Variants in ATP2B2 observed in about 807,000 individuals in gnomAD.
ATP2B2 encodes the protein plasma membrane calcium-transporting ATPase 2.
In ATP2B2, 15 loss-of-function variants were observed where a neutral mutation model predicts 120.0. The observed-to-expected ratio is 0.12, with a 90% CI of 0.08 to 0.19. ATP2B2 has a LOEUF of 0.19. ATP2B2 is among the 10% of genes least tolerant of loss of function. The probability of loss-of-function intolerance (pLI) is 1.00; values close to 1 mark genes in which losing one functional copy is unlikely to be tolerated. For synonymous variants in ATP2B2, 694 were observed against 700.3 expected, an observed-to-expected ratio of 0.99 and a Z score of 0.14; for missense variants, 1,045 against 1,719.8, an observed-to-expected ratio of 0.61 and a Z score of 6.94.
At chr3:10,444,347 C>T (rs780778927) in intron 2 of ATP2B2, among the ~76,000 whole-genome samples, 24 of 152,332 alleles carry the variant, frequency 1.6e-4, no homozygotes, top group Non-Finnish European at 3.1e-4. Flanking sequence ...CAACAACACA[C>T]GGAAGACCCC....
intron 17 of ATP2B2, 129 bp downstream of exon 17, chr3:10,345,902 G>A (rs1455828812): frequency 3.2e-6 from 3 of 944,694 alleles, no homozygotes; most frequent in Admixed American, 4.3e-5. Context: ...GTCTCGAGAA[G>A]GGTGGGCACC....
Position 10,402,497 on chromosome 3 carries a change from C to A in ATP2B2, c.398-149G>T, listed in dbSNP as rs987816724. 1.0e-5 allele frequency: 13 copies of A among 1,243,204 alleles called. No homozygotes were observed. In the Admixed American group the frequency reaches 1.5e-4, roughly 14 times the overall value. The allele number at this position is 1,243,204 out of a possible 1,614,324, so 77.0% of individuals were successfully genotyped here. On this transcript the variant is annotated intron_variant, in intron 3 of 22. Coordinates refer to ENST00000360273, the MANE Select transcript of ATP2B2 (RefSeq NM_001001331.4). The surrounding 1 kb of genome is among the most constrained non-coding windows in gnomAD (Gnocchi z 4.9). ...TTACTCAGTGTGTCTGGGTACCAAG[C>A]CCTGTGGAAAGTGCTTCACGCAGAT... is the stretch of plus-strand genomic sequence containing the variant.
intron 2 of ATP2B2, among the ~76,000 whole-genome samples, chr3:10,546,832 C>T (rs1044772236): frequency 6.6e-6 from 1 of 152,136 alleles, no homozygotes; most frequent in Non-Finnish European, 1.5e-5. Flanking sequence ...GGTGATGAAG[C>T]CAGGATTTGA....
chr3:10,405,453 G>A (rs2062377516), intron 3 of ATP2B2, among the ~76,000 whole-genome samples: 1 of 152,214 alleles, frequency 6.6e-6, no homozygotes, highest in Non-Finnish European at 1.5e-5. Flanking sequence ...GATCGCTGGG[G>A]TAGGGATTCG....
intron 5 of ATP2B2, among the ~76,000 whole-genome samples, chr3:10,391,036 C>T (rs960364498): frequency 2.0e-5 from 3 of 152,158 alleles, no homozygotes; most frequent in African/African-American, 7.2e-5. Flanking sequence ...GCGGGTATCA[C>T]TGGAGACTCT....
intron 2 of ATP2B2, among the ~76,000 whole-genome samples, chr3:10,559,533 G>GGA (rs548000248): frequency 1.3e-5 from 2 of 148,468 alleles, no homozygotes; most frequent in Non-Finnish European, 3.0e-5. Flanking sequence ...AAAAGAAAAG[G>GGA]AAAAAAAAAA....
rs868363393 is a variant in ATP2B2 at position 10,486,334 on chromosome 3, T to C, written c.-320+19131A>G. On this transcript the variant is annotated intron_variant, in intron 1 of 22. Transcript: ENST00000360273. ...AGGTGTGTGTGCGTGCGTGTGTGTG[T>C]GTGTGTGTGTGTGTGTGTGTGTGTG... 1.3e-3 allele frequency among the ~76,000 whole-genome samples: 190 copies of C among 151,508 alleles called. 1 individual carries two copies. The highest frequency in any genetic ancestry group is 4.8e-3 in the South Asian group (23 of 4,786).
intron 16 of ATP2B2, 102 bp downstream of exon 16, chr3:10,350,010 G>A (rs1457527296): frequency 1.7e-5 from 21 of 1,207,136 alleles, no homozygotes; most frequent in Non-Finnish European, 2.4e-5. Context: ...GGGGCGAGGG[G>A]CCCTTCCCTT....
intron 2 of ATP2B2, among the ~76,000 whole-genome samples, chr3:10,595,496 T>C (rs2068744692): frequency 6.6e-6 from 1 of 152,148 alleles, no homozygotes; most frequent in Admixed American, 6.5e-5. Context: ...GCCCTGTAAA[T>C]AAACTATTAC....
At chr3:10,448,281 C>T (rs1479276649) in intron 2 of ATP2B2, among the ~76,000 whole-genome samples, 2 of 152,210 alleles carry the variant, frequency 1.3e-5, no homozygotes. Flanking sequence ...TATGCCCAGC[C>T]ACGCACTAGG....
chr3:10,461,380 G>A (rs191773063), intron 1 of ATP2B2, among the ~76,000 whole-genome samples: 1 of 152,344 alleles, frequency 6.6e-6, no homozygotes, highest in Non-Finnish European at 1.5e-5. Context: ...CCTCAGATCT[G>A]AAGGAGGAAA....
intron 2 of ATP2B2, among the ~76,000 whole-genome samples, chr3:10,425,170 C>T (rs1222453078): frequency 1.3e-5 from 2 of 151,434 alleles, no homozygotes; most frequent in Admixed American, 6.6e-5. Flanking sequence ...ATTAGCTGGG[C>T]GTGGTTGTGC....
intron 1 of ATP2B2, among the ~76,000 whole-genome samples, chr3:10,634,164 A>G (rs948566797): frequency 6.6e-6 from 1 of 152,218 alleles, no homozygotes; most frequent in African/African-American, 2.4e-5. Flanking sequence ...TTTCTGAATC[A>G]ACCCAGGAAC....
chr3:10,585,662 G>A (rs2068494430), intron 2 of ATP2B2, among the ~76,000 whole-genome samples: 1 of 151,838 alleles, frequency 6.6e-6, no homozygotes, highest in Non-Finnish European at 1.5e-5. Flanking sequence ...CCTGCTTGGG[G>A]CCTCTGCACT....
Position 10,370,403 on chromosome 3 carries a change from G to A in ATP2B2, c.1659+1406C>T, listed in dbSNP as rs1287849168. ...GTCCTGGGGAGCAGAATAAAGCATC[G>A]CTGATCTCCCTTGATTCCCAAATTG... On this transcript the variant is annotated intron_variant, in intron 12 of 22. Coordinates refer to ENST00000360273, the MANE Select transcript of ATP2B2 (RefSeq NM_001001331.4). Among the ~76,000 whole-genome samples, 4 of 152,220 alleles carry A rather than the reference G, an allele frequency of 2.6e-5. No individual in the cohort carries two copies. The South Asian group carries it at 6.2e-4, about 24-fold the overall frequency.
At chr3:10,649,685 C>T (rs2070403685) in intron 1 of ATP2B2, among the ~76,000 whole-genome samples, 2 of 152,116 alleles carry the variant, frequency 1.3e-5, no homozygotes, top group South Asian at 4.2e-4. Context: ...GGCTGTGTTC[C>T]CACCCATATC....
rs1210231461 is a variant in ATP2B2, at chr3:10,326,141, T to C, written c.*2673A>G. 6.6e-6 allele frequency: 1 copy of C among 152,592 alleles called. No homozygotes were observed. Among genetic ancestry groups the C allele is most frequent in the Non-Finnish European group, 1.5e-5 (1 of 68,040 alleles). 9.5% of individuals were successfully genotyped at this position (152,592 alleles called of 1,614,324 possible). ...AAAATTCATAAAAACAGATGAATGG[T>C]CATAAATTATTTACCCCCTAATGGA... On this transcript the variant is annotated 3_prime_UTR_variant, in exon 23 of 23. Transcript: ENST00000360273.
intron 1 of ATP2B2, among the ~76,000 whole-genome samples, chr3:10,652,419 C>T (rs1048404435): frequency 1.3e-5 from 2 of 152,202 alleles, no homozygotes; most frequent in Admixed American, 6.5e-5. Flanking sequence ...ACAAAGAAAA[C>T]TAGACTTTAG....
intron 12 of ATP2B2, among the ~76,000 whole-genome samples, chr3:10,362,162 C>T (rs772547087): frequency 2.0e-5 from 3 of 152,200 alleles, no homozygotes; most frequent in Non-Finnish European, 2.9e-5. Flanking sequence ...GCCTGTGTCC[C>T]CCTGAAGTAC....
Sources: gnomAD v4.1 joint callset for allele counts (sites outside exome capture counted in the v4.1 genomes callset) on GRCh38, gnomAD v4.1.1 for gene constraint, Gnocchi (gnomAD v3.1) non-coding constraint, MANE v1.5 for transcripts, NCBI Gene and HGNC (gene_info 2026-07-23, HGNC 2026-07-21) for gene names.